The following GALNT10 variants were observed in gnomAD, a reference collection of about 807,000 sequenced individuals.
GALNT10 encodes the protein GalNAc transferase 10.
GALNT10 carries 41 observed loss-of-function variants against 75.0 expected under a neutral mutation model. That is an observed-to-expected ratio of 0.55 (90% CI 0.43 to 0.71). The LOEUF (loss-of-function observed/expected upper bound fraction) is 0.71. Among genes scored for constraint, GALNT10 ranks in the 30% least tolerant of loss-of-function variants. The pLI is 0.00. For synonymous variants in GALNT10, 302 were observed against 313.0 expected (o/e 0.96, Z 0.37); for missense variants, 727 against 818.5 (o/e 0.89, Z 1.36).
At position 154,280,829 on chromosome 5, in the gene GALNT10, A is replaced by G. The variant is rs1007912573; in HGVS notation, c.160-13987A>G. 2.7e-4 allele frequency among the ~76,000 whole-genome samples: 41 copies of G among 152,246 alleles called. 3 individuals are homozygous for G. The Middle Eastern group carries it at 0.01, about 38-fold the overall frequency. ...TAGGGTGTGAGGAAGTGTGAGGTGT[A>G]TTTTTTTGACATATGAATATCTAAT... is the stretch of plus-strand genomic sequence containing the variant. On this transcript the variant is annotated intron_variant, in intron 1 of 11. Coordinates refer to ENST00000297107, the MANE Select transcript of GALNT10 (RefSeq NM_198321.4).
intron 1 of GALNT10, among the ~76,000 whole-genome samples, chr5:154,239,398 C>T (rs897491929): frequency 1.3e-5 from 2 of 152,186 alleles, no homozygotes; most frequent in Non-Finnish European, 2.9e-5. Context: ...AGGAGGTGAG[C>T]GGTGGGGCGA....
At chr5:154,353,632 G>A (rs1755244792) in intron 4 of GALNT10, among the ~76,000 whole-genome samples, 1 of 152,256 alleles carries the variant, frequency 6.6e-6, no homozygotes, top group Non-Finnish European at 1.5e-5. Context: ...TGATGAACAA[G>A]AAGACATGGG....
intron 4 of GALNT10, among the ~76,000 whole-genome samples, chr5:154,367,950 G>C (rs760616467): frequency 5.3e-5 from 8 of 152,048 alleles, no homozygotes; most frequent in Non-Finnish European, 1.2e-4. Flanking sequence ...ATGGGATTCT[G>C]GTTTTGATCA....
At position 154,274,226 on chromosome 5, in the gene GALNT10, G is replaced by C. The variant is rs529182578; in HGVS notation, c.160-20590G>C. ...CCTTGAGTTACTTCTGGGTTGAAAT[G>C]ATAGACAATGTTAGAAGGTGGATTT... On this transcript the variant is annotated intron_variant, in intron 1 of 11. Transcript: ENST00000297107. Among the ~76,000 whole-genome samples, 4 of 152,302 alleles carry C rather than the reference G, an allele frequency of 2.6e-5. No homozygotes were observed. In the East Asian group the frequency reaches 7.7e-4, roughly 29 times the overall value.
chr5:154,270,332 G>A (rs779612989), intron 1 of GALNT10, among the ~76,000 whole-genome samples: 2 of 150,256 alleles, frequency 1.3e-5, no homozygotes, highest in Non-Finnish European at 3.0e-5. Flanking sequence ...TAGTCTAATT[G>A]TGTGACTGGA....
chr5:154,271,108 C>T (rs1471849191), intron 1 of GALNT10, among the ~76,000 whole-genome samples: 4 of 150,660 alleles, frequency 2.7e-5, no homozygotes, highest in African/African-American at 9.8e-5. Flanking sequence ...TCCAAAGAAA[C>T]AATAGCCTGG....
chr5:154,386,353 A>G lies in GALNT10; in HGVS notation c.979A>G (p.Lys327Glu), dbSNP rs762733735. Residue 327 changes from lysine to glutamate, a missense_variant, in exon 7 of 12, where the codon AAG becomes GAG. By Grantham distance (56) the Lys-to-Glu change is moderately conservative. Coordinates refer to ENST00000297107, the MANE Select transcript of GALNT10 (RefSeq NM_198321.4). ...CGGTGGACTGTTCGCCGTGGATCGG[A>G]AGTGGTTCTGGGAACTCGGCGGGTA... ...MAGGLFAVDR[K>E]WFWELGGYDP... 5.0e-6 allele frequency: 8 copies of G among 1,613,986 alleles called. No homozygotes were observed. Among genetic ancestry groups the G allele is most frequent in the Non-Finnish European group, 6.8e-6 (8 of 1,179,950 alleles).
chr5:154,217,570 G>C (rs938206382), intron 1 of GALNT10, among the ~76,000 whole-genome samples: 1 of 152,216 alleles, frequency 6.6e-6, no homozygotes. Flanking sequence ...AAGAGATGGA[G>C]AGAGTTCCAG....
At chr5:154,265,408 T>C (rs1753762796) in intron 1 of GALNT10, among the ~76,000 whole-genome samples, 1 of 152,180 alleles carries the variant, frequency 6.6e-6, no homozygotes, top group South Asian at 2.1e-4. Flanking sequence ...TCACACCTCA[T>C]GGCTACCCAG....
chr5:154,333,956 C>T (rs943368640), intron 4 of GALNT10, among the ~76,000 whole-genome samples: 5 of 152,158 alleles, frequency 3.3e-5, no homozygotes, highest in East Asian at 1.9e-4. Flanking sequence ...GTTTTAAAAA[C>T]GAGATTTGGG....
intron 1 of GALNT10, among the ~76,000 whole-genome samples, chr5:154,275,711 G>T (rs1009533567): frequency 5.9e-5 from 9 of 152,120 alleles, no homozygotes; most frequent in African/African-American, 2.2e-4. Flanking sequence ...TTTCCATGTC[G>T]ACCTCTCCAT....
At chr5:154,223,470 C>T (rs1027866758) in intron 1 of GALNT10, among the ~76,000 whole-genome samples, 1 of 152,204 alleles carries the variant, frequency 6.6e-6, no homozygotes, top group Non-Finnish European at 1.5e-5. Flanking sequence ...TATTAAGGAA[C>T]TATAAGCAAG....
intron 1 of GALNT10, among the ~76,000 whole-genome samples, chr5:154,245,399 A>C (rs552715021): frequency 2.6e-5 from 4 of 152,244 alleles, no homozygotes; most frequent in Middle Eastern, 6.8e-3. Context: ...GGGTGATCTC[A>C]TTTTATCCTC....
At chr5:154,356,606 C>A (rs567919363) in intron 4 of GALNT10, among the ~76,000 whole-genome samples, 1 of 152,260 alleles carries the variant, frequency 6.6e-6, no homozygotes, top group South Asian at 2.1e-4. Flanking sequence ...ATAAATCTTA[C>A]CCAGGAGCCT....
At chr5:154,347,033 A>C in intron 4 of GALNT10, 1 of 380,716 alleles carries the variant, frequency 2.6e-6, no homozygotes, top group Non-Finnish European at 5.4e-6. Flanking sequence ...CTAGTTCCAC[A>C]TTGAAGATCC....
chr5:154,345,901 A>C (rs11959268), intron 4 of GALNT10, among the ~76,000 whole-genome samples: 51,577 of 134,090 alleles, frequency 0.38, 10,895 homozygotes, highest in East Asian at 0.59. Flanking sequence ...CACCTCAGCC[A>C]CCCAAAGTGC....
chr5:154,362,553 G>A (rs1755406947), intron 4 of GALNT10, among the ~76,000 whole-genome samples: 1 of 152,202 alleles, frequency 6.6e-6, no homozygotes, highest in Non-Finnish European at 1.5e-5. Context: ...AAGGAGCTCA[G>A]AGGTTAAAGG....
At chr5:154,200,446 G>GGTGT (rs556589540) in intron 1 of GALNT10, among the ~76,000 whole-genome samples, 1 of 152,108 alleles carries the variant, frequency 6.6e-6, no homozygotes, top group Non-Finnish European at 1.5e-5. Context: ...ATCTGGCAGG[G>GGTGT]GTGTGTGTGT....
chr5:154,256,347 G>GT (rs1231081058), intron 1 of GALNT10, among the ~76,000 whole-genome samples: 268 of 20,626 alleles, frequency 0.013, no homozygotes, highest in African/African-American at 0.032. Context: ...AGAGGCTGTT[G>GT]TTTTTGTTTT....
Sources: allele counts gnomAD v4.1 joint callset (sites outside exome capture counted in the v4.1 genomes callset), GRCh38; gene constraint gnomAD v4.1.1; transcripts MANE v1.5; gene names NCBI Gene and HGNC (gene_info 2026-07-23, HGNC 2026-07-21).